The following TAMM41 variants were observed in gnomAD, a reference collection of about 807,000 sequenced individuals.
The protein encoded by TAMM41 is TAM41 mitochondrial translocator assembly and maintenance homolog, also known as phosphatidate cytidylyltransferase, mitochondrial.
A neutral mutation model predicts 44.1 loss-of-function variants in TAMM41; 36 were observed. The ratio of observed to expected loss-of-function variants is 0.82; its 90% CI spans 0.63 to 1.08. The LOEUF is 1.08. Ranked by LOEUF, TAMM41 falls within the 50% of genes least tolerant of loss-of-function variation. The pLI is 0.00. For synonymous variants in TAMM41, 164 were observed against 153.1 expected, an observed-to-expected ratio of 1.07 and a Z score of -0.53; for missense variants, 417 against 404.3, an observed-to-expected ratio of 1.03 and a Z score of -0.27.
At chr3:11,780,450 G>A in the TAMM41 span, among the ~76,000 whole-genome samples, 3 of 152,322 alleles carry the variant, frequency 2.0e-5, no homozygotes, top group Admixed American at 6.5e-5. Context: ...CAGATTGGGA[G>A]AACACCAAGT....
the TAMM41 span, among the ~76,000 whole-genome samples, chr3:11,728,617 G>T: frequency 2.6e-5 from 4 of 152,216 alleles, no homozygotes; most frequent in South Asian, 2.1e-4. Flanking sequence ...TGGGCCCATT[G>T]TGAGTAGCTG....
At chr3:11,747,757 C>T in the TAMM41 span, among the ~76,000 whole-genome samples, 1 of 151,600 alleles carries the variant, frequency 6.6e-6, no homozygotes, top group African/African-American at 2.4e-5. Flanking sequence ...CAGAATGAGA[C>T]CCTGTCTCAA....
At chr3:11,784,311 T>C in the TAMM41 span, among the ~76,000 whole-genome samples, 2 of 152,188 alleles carry the variant, frequency 1.3e-5, no homozygotes, top group Admixed American at 1.3e-4. Flanking sequence ...CTGGTCAACA[T>C]GGTGAAACCC....
At chr3:11,800,701 T>C (rs1046799932) in intron 7 of TAMM41, among the ~76,000 whole-genome samples, 2 of 152,120 alleles carry the variant, frequency 1.3e-5, no homozygotes, top group South Asian at 2.1e-4. Context: ...AAGAGATAGA[T>C]AGCAACACAA....
At chr3:11,773,282 G>T in the TAMM41 span, among the ~76,000 whole-genome samples, 35 of 149,516 alleles carry the variant, frequency 2.3e-4, no homozygotes, top group Admixed American at 4.1e-4. Flanking sequence ...TGATTCCAAA[G>T]CCCCCAAGTA....
At chr3:11,842,554 C>T (rs1037354299) in intron 2 of TAMM41, among the ~76,000 whole-genome samples, 6 of 151,276 alleles carry the variant, frequency 4.0e-5, no homozygotes, top group African/African-American at 9.7e-5. Flanking sequence ...ATTAGCCAGG[C>T]GTGGTGGTAT....
chr3:11,827,366 C>T (rs2078798539), intron 4 of TAMM41, among the ~76,000 whole-genome samples: 1 of 150,026 alleles, frequency 6.7e-6, no homozygotes, highest in Non-Finnish European at 1.5e-5. Context: ...CTGGAGTGCA[C>T]TGGCATGATC....
chr3:11,805,817 C>T (rs1051865263), intron 7 of TAMM41, among the ~76,000 whole-genome samples: 46 of 152,232 alleles, frequency 3.0e-4, no homozygotes, highest in Non-Finnish European at 5.4e-4. Flanking sequence ...CTAAATTATA[C>T]GCCTCTGCAA....
At chr3:11,760,715 C>A in the TAMM41 span, among the ~76,000 whole-genome samples, 3 of 152,152 alleles carry the variant, frequency 2.0e-5, no homozygotes, top group East Asian at 5.9e-4. Flanking sequence ...GGCCCGCCAC[C>A]ATGCCTGGCT....
chr3:11,844,979 T>TA (rs2079612996), intron 1 of TAMM41: 1 of 456,650 alleles, frequency 2.2e-6, no homozygotes, highest in Non-Finnish European at 4.4e-6. Flanking sequence ...ACACGTGAGT[T>TA]AAACAGACTT....
At chr3:11,819,614 G>A (rs2078428990) in intron 4 of TAMM41, among the ~76,000 whole-genome samples, 1 of 152,154 alleles carries the variant, frequency 6.6e-6, no homozygotes, top group African/African-American at 2.4e-5. Context: ...AGTATAACAG[G>A]CTGGGCATGG....
Position 11,813,890 on chromosome 3 carries a change from G to A in TAMM41, c.708+3302C>T, listed in dbSNP as rs1442578881. 4.5e-4 allele frequency among the ~76,000 whole-genome samples: 67 copies of A among 147,604 alleles called. No individual in the cohort carries two copies. The South Asian group carries it at 5.8e-3, about 13-fold the overall frequency. ...TATATATATGTATATATGTATATAT[G>A]TGTATATATGTATATATGTGTGTAT... On this transcript the variant is annotated intron_variant, in intron 5 of 7. Coordinates refer to ENST00000455809, the MANE Select transcript of TAMM41 (RefSeq NM_001284401.2).
At chr3:11,729,539 ATTTTT>A in the TAMM41 span, among the ~76,000 whole-genome samples, 1 of 32,296 alleles carries the variant, frequency 3.1e-5, no homozygotes, top group East Asian at 1.6e-3. Flanking sequence ...TCTTTCTTTC[ATTTTT>A]TTTTTTTTTT....
intron 5 of TAMM41, among the ~76,000 whole-genome samples, chr3:11,813,957 T>C (rs1229937706): frequency 1.4e-5 from 2 of 147,308 alleles, no homozygotes; most frequent in African/African-American, 2.5e-5. Context: ...TATATGTATA[T>C]ATACATATAC....
chr3:11,826,976 A>C (rs186836303), intron 4 of TAMM41, among the ~76,000 whole-genome samples: 4 of 152,306 alleles, frequency 2.6e-5, no homozygotes, highest in Admixed American at 2.6e-4. Context: ...CTTTCCTCCT[A>C]AACACATCAT....
the TAMM41 span, among the ~76,000 whole-genome samples, chr3:11,741,812 C>T: frequency 1.3e-5 from 2 of 149,874 alleles, no homozygotes; most frequent in Admixed American, 6.6e-5. Flanking sequence ...TGCTTAAGGT[C>T]GTTATTAAGT....
chr3:11,774,799 G>C, the TAMM41 span, among the ~76,000 whole-genome samples: 4 of 151,976 alleles, frequency 2.6e-5, no homozygotes, highest in Non-Finnish European at 4.4e-5. Context: ...CTTGCTGATA[G>C]TGTCCTAATC....
chr3:11,735,854 A>C, the TAMM41 span, among the ~76,000 whole-genome samples: 1 of 152,150 alleles, frequency 6.6e-6, no homozygotes, highest in Non-Finnish European at 1.5e-5. Context: ...CAGCAGGTGC[A>C]CAGGCTCAGA....
chr3:11,775,868 T>C, the TAMM41 span, among the ~76,000 whole-genome samples: 1 of 152,182 alleles, frequency 6.6e-6, no homozygotes, highest in Non-Finnish European at 1.5e-5. Flanking sequence ...CTGTTTCTTT[T>C]TTAAGAGAAG....
Sources: gnomAD v4.1 joint callset for allele counts (sites outside exome capture counted in the v4.1 genomes callset) on GRCh38, gnomAD v4.1.1 for gene constraint, MANE v1.5 for transcripts, NCBI Gene and HGNC (gene_info 2026-07-23, HGNC 2026-07-21) for gene names.